The following WDR72 variants were observed in gnomAD, a reference collection of about 807,000 sequenced individuals.
The protein encoded by WDR72 is WD repeat domain 72.
A neutral mutation model predicts 124.2 loss-of-function variants in WDR72; 120 were observed. That is an observed-to-expected ratio of 0.97 (90% CI 0.83 to 1.12). WDR72 has a LOEUF of 1.12. Ranked by LOEUF, WDR72 falls within the 50% of genes most tolerant of loss-of-function variation. The pLI, the probability that WDR72 is intolerant of heterozygous loss-of-function variation, is 0.00. For missense variants in WDR72, 1,387 were observed against 1,278.8 expected (o/e 1.08, Z -1.29); for synonymous variants, 452 against 441.7 (o/e 1.02, Z -0.29).
chr15:53,539,652 A>G lies in WDR72; in HGVS notation c.3149-16330T>C, dbSNP rs561430144. ...GCATAAAGGTAAACATTAGGAAAAA[A>G]AAAAACTACCAAATACTCCCTCAAT... On this transcript the variant is annotated intron_variant, in intron 18 of 19. Coordinates refer to ENST00000360509, the MANE Select transcript of WDR72 (RefSeq NM_182758.4). 5.4e-4 allele frequency among the ~76,000 whole-genome samples: 82 copies of G among 152,176 alleles called. 1 individual carries two copies. In the South Asian group the frequency reaches 0.016, roughly 30 times the overall value.
At chr15:53,596,834 C>G (rs1013581837) in intron 18 of WDR72, among the ~76,000 whole-genome samples, 1 of 152,114 alleles carries the variant, frequency 6.6e-6, no homozygotes, top group Non-Finnish European at 1.5e-5. Flanking sequence ...TCAATACTCT[C>G]TAAGTAGCGA....
At chr15:53,541,263 G>A (rs1375750508) in intron 18 of WDR72, among the ~76,000 whole-genome samples, 1 of 152,192 alleles carries the variant, frequency 6.6e-6, no homozygotes, top group Non-Finnish European at 1.5e-5. Flanking sequence ...TTTGAAGAGA[G>A]CAGTGGTTCT....
At chr15:53,616,325 A>T in intron 14 of WDR72, 82 bp from the exon 15 acceptor site, 1 of 1,232,124 alleles carries the variant, frequency 8.1e-7, no homozygotes, top group Non-Finnish European at 1.2e-6. Context: ...TGGCATTTTT[A>T]AAAAGTATTA....
intron 9 of WDR72, among the ~76,000 whole-genome samples, chr15:53,709,324 C>T (rs2017469998): frequency 1.3e-5 from 2 of 152,178 alleles, no homozygotes; most frequent in South Asian, 4.1e-4. Flanking sequence ...TCTAGGCTTT[C>T]TCGCTTTTAA....
chr15:53,757,696 G>A (rs190559306), intron 1 of WDR72, among the ~76,000 whole-genome samples: 3 of 152,152 alleles, frequency 2.0e-5, no homozygotes, highest in South Asian at 2.1e-4. Flanking sequence ...TCTATTGTGA[G>A]CAACATTATT....
At chr15:53,746,130 C>T (rs563814668) in intron 1 of WDR72, among the ~76,000 whole-genome samples, 45 of 152,274 alleles carry the variant, frequency 3.0e-4, no homozygotes, top group Admixed American at 2.8e-3. Context: ...AATACAATAC[C>T]TGGCAAGAAC....
intron 18 of WDR72, among the ~76,000 whole-genome samples, chr15:53,539,696 A>G (rs1892967917): frequency 6.6e-6 from 1 of 151,982 alleles, no homozygotes; most frequent in Non-Finnish European, 1.5e-5. Context: ...ACAGAAAGTG[A>G]GAGAGAAAGA....
chr15:53,610,494 T>C (rs138883316), intron 16 of WDR72, among the ~76,000 whole-genome samples: 50 of 152,126 alleles, frequency 3.3e-4, no homozygotes, highest in African/African-American at 1.2e-3. Flanking sequence ...ATGTTTGACA[T>C]TGTGGTATCA....
intron 18 of WDR72, among the ~76,000 whole-genome samples, chr15:53,539,829 C>T (rs935681504): frequency 1.3e-5 from 2 of 151,892 alleles, no homozygotes; most frequent in African/African-American, 4.8e-5. Context: ...ACTTAATTCA[C>T]CTATTAGAAT....
upstream of WDR72, among the ~76,000 whole-genome samples, chr15:53,761,426 A>T (rs1325978663): frequency 6.6e-6 from 1 of 152,210 alleles, no homozygotes; most frequent in Non-Finnish European, 1.5e-5. Flanking sequence ...TCAAAAAAAT[A>T]AAAATAAAAC....
intron 12 of WDR72, among the ~76,000 whole-genome samples, chr15:53,700,843 T>C (rs2017151105): frequency 6.6e-6 from 1 of 152,214 alleles, no homozygotes; most frequent in South Asian, 2.1e-4. Flanking sequence ...TATGTCATTT[T>C]TCCCTAACCA....
At chr15:53,598,371 A>G (rs779747114) in intron 17 of WDR72, among the ~76,000 whole-genome samples, 17 of 152,006 alleles carry the variant, frequency 1.1e-4, no homozygotes, top group Non-Finnish European at 2.2e-4. Context: ...CCCCTCCATT[A>G]CTCCCAGTCT....
chr15:53,535,768 C>A (rs991697027), intron 18 of WDR72, among the ~76,000 whole-genome samples: 9 of 152,110 alleles, frequency 5.9e-5, no homozygotes, highest in African/African-American at 2.2e-4. Flanking sequence ...AAACAGCCCC[C>A]CAAATCATCT....
chr15:53,673,438 T>A (rs1567018677), intron 13 of WDR72, among the ~76,000 whole-genome samples: 2 of 152,324 alleles, frequency 1.3e-5, no homozygotes, highest in East Asian at 3.9e-4. Flanking sequence ...TACAGAAACA[T>A]TTTCTTTATG....
intron 17 of WDR72, among the ~76,000 whole-genome samples, chr15:53,601,539 G>C (rs958014142): frequency 6.6e-6 from 1 of 152,062 alleles, no homozygotes; most frequent in Admixed American, 6.6e-5. Context: ...TGGACTGAAT[G>C]CCGCAATTAA....
intron 1 of WDR72, among the ~76,000 whole-genome samples, chr15:53,736,784 C>A (rs895363825): frequency 6.6e-6 from 1 of 152,058 alleles, no homozygotes; most frequent in African/African-American, 2.4e-5. Flanking sequence ...ATCAGGAGGG[C>A]ATCCACACAG....
intron 13 of WDR72, among the ~76,000 whole-genome samples, chr15:53,680,465 G>C (rs1406040460): frequency 2.6e-5 from 4 of 152,160 alleles, no homozygotes; most frequent in Non-Finnish European, 5.9e-5. Context: ...TTAAATGACA[G>C]ACCTCTAATA....
At chr15:53,623,790 CACTT>C (rs1192907922) in intron 14 of WDR72, among the ~76,000 whole-genome samples, 3 of 152,094 alleles carry the variant, frequency 2.0e-5, no homozygotes, top group African/African-American at 7.2e-5. Context: ...TATACATTCC[CACTT>C]ACAAATATAC....
rs982413904 is a variant in WDR72 at position 53,713,623 on chromosome 15, T to C, written c.592-732A>G. Among the ~76,000 whole-genome samples the C allele has an allele frequency of 2.0e-5, 3 of 151,442 alleles. No individual in the cohort carries two copies. The South Asian group carries it at 6.3e-4, about 32-fold the overall frequency. On this transcript the variant is annotated intron_variant, in intron 6 of 19. Transcript: ENST00000360509. ...ACTCCACCACTCCCTGCTAAATTTT[T>C]TTTTTTGTATTTTTAGTAGAGACGA...
Sources: allele counts gnomAD v4.1 joint callset (sites outside exome capture counted in the v4.1 genomes callset), GRCh38; gene constraint gnomAD v4.1.1; transcripts MANE v1.5; gene names NCBI Gene and HGNC (gene_info 2026-07-23, HGNC 2026-07-21).